Variants in DUSP11 observed in about 807,000 individuals in gnomAD.
DUSP11 encodes dual specificity phosphatase 11, also known as RNA/RNP complex-1-interacting phosphatase.
Under a neutral mutation model 41.4 loss-of-function variants are expected in DUSP11, and 27 were observed. The ratio of observed to expected loss-of-function variants is 0.65; its 90% CI spans 0.48 to 0.90. The LOEUF (loss-of-function observed/expected upper bound fraction) is 0.90, where lower values mean the gene tolerates loss of function less well. DUSP11 is among the 40% of genes least tolerant of loss of function. The pLI is 0.00. For synonymous variants in DUSP11, 188 were observed against 159.3 expected (o/e 1.18, Z -1.35); for missense variants, 465 against 461.1 (o/e 1.01, Z -0.08).
chr2:73,767,019 A>G, intron 6 of DUSP11, 116 bp from the exon 7 acceptor site: 3 of 1,206,518 alleles, frequency 2.5e-6, no homozygotes, highest in South Asian at 2.5e-5. Context: ...TTCCACATAC[A>G]TCTATAGACT....
At chr2:73,777,532 C>G (rs1030926060) in intron 2 of DUSP11, among the ~76,000 whole-genome samples, 2 of 152,166 alleles carry the variant, frequency 1.3e-5, no homozygotes, top group African/African-American at 4.8e-5. Flanking sequence ...CTATTCCTTT[C>G]CTAGTTTAAA....
At chr2:73,762,571 A>C in exon 9 of DUSP11, 1 of 967,410 alleles carries the variant, frequency 1.0e-6, no homozygotes, top group Non-Finnish European at 1.5e-6. Flanking sequence ...ACAATAAAGA[A>C]ACCTGATTAG....
chr2:73,779,952 C>T, exon 1 of DUSP11: 1 of 1,614,250 alleles, frequency 6.2e-7, no homozygotes, highest in African/African-American at 1.3e-5. Flanking sequence ...CCAGCCACTG[C>T]GGGGATGATG....
At chr2:73,776,494 TC>T (rs1259200315) in intron 2 of DUSP11, among the ~76,000 whole-genome samples, 1 of 151,380 alleles carries the variant, frequency 6.6e-6, no homozygotes, top group Admixed American at 6.6e-5. Flanking sequence ...GACAGATAGT[TC>T]CCACATGTAC....
At chr2:73,765,527 TAAA>T (rs890363941) in intron 8 of DUSP11, among the ~76,000 whole-genome samples, 1 of 152,036 alleles carries the variant, frequency 6.6e-6, no homozygotes, top group Non-Finnish European at 1.5e-5. Flanking sequence ...ATACCCCGAA[TAAA>T]AAAGCTCCTC....
chr2:73,776,082 G>C (rs891205953), intron 2 of DUSP11, among the ~76,000 whole-genome samples: 1 of 151,848 alleles, frequency 6.6e-6, no homozygotes, highest in Admixed American at 6.6e-5. Flanking sequence ...CCTTCAATCT[G>C]TCTGGCTACT....
rs77773021 is a variant in DUSP11 at position 73,768,389 on chromosome 2, G to A, written c.635+876C>T. ...GCAGCTAAAGTCTCTTTGCTAACACGCAGCACACTGCTTACACATAATAGA... is the reference window on the plus strand; with the variant it reads ...GCAGCTAAAGTCTCTTTGCTAACACACAGCACACTGCTTACACATAATAGA... On this transcript the variant is annotated intron_variant, in intron 5 of 8. Coordinates refer to ENST00000272444, the Ensembl canonical transcript of DUSP11. The A allele has an allele frequency of 8.7e-4, 813 of 935,622 alleles. 6 individuals carry two copies. The African/African-American group carries it at 0.014, about 16-fold the overall frequency. The allele number at this position is 935,622 out of a possible 1,614,324, so 58.0% of individuals were successfully genotyped here.
chr2:73,763,858 GTTGAA>G (rs941408001), intron 8 of DUSP11, among the ~76,000 whole-genome samples: 16 of 152,260 alleles, frequency 1.1e-4, no homozygotes, highest in Admixed American at 5.2e-4. Flanking sequence ...TTTTCTGACT[GTTGAA>G]TCACAGCCTA....
intron 8 of DUSP11, among the ~76,000 whole-genome samples, chr2:73,765,542 T>G (rs1252311343): frequency 6.6e-6 from 1 of 151,732 alleles, no homozygotes; most frequent in Non-Finnish European, 1.5e-5. Flanking sequence ...AAGCTCCTCC[T>G]CCCATCCACC....
intron 2 of DUSP11, among the ~76,000 whole-genome samples, chr2:73,776,391 G>T (rs1480240763): frequency 1.4e-5 from 2 of 144,972 alleles, no homozygotes; most frequent in African/African-American, 2.5e-5. Context: ...CTCCAGCCTG[G>T]GCGACAAGCG....
At chr2:73,773,716 G>A (rs527742969) in intron 4 of DUSP11, 84 bp downstream of exon 4, 2 of 1,352,434 alleles carry the variant, frequency 1.5e-6, no homozygotes, top group African/African-American at 1.5e-5. Flanking sequence ...CAACAGGTCT[G>A]AGGTTGGAAC....
chr2:73,766,966 A>G, intron 6 of DUSP11, 63 bp from the exon 7 acceptor site: 7 of 1,461,948 alleles, frequency 4.8e-6, no homozygotes, highest in Non-Finnish European at 6.7e-6. Flanking sequence ...AGAAAAAGCA[A>G]ATTAAGCTGA....
At chr2:73,769,989 A>C (rs1672540361) in intron 4 of DUSP11, among the ~76,000 whole-genome samples, 1 of 152,218 alleles carries the variant, frequency 6.6e-6, no homozygotes, top group Admixed American at 6.5e-5. Flanking sequence ...AATAAAAAAA[A>C]GTGTAGTTTA....
rs1344879738 is a variant in DUSP11, at chr2:73,780,075, C to G, written c.41G>C (p.Cys14Ser). The stretch of plus-strand genomic sequence containing the variant: ...AGACCCTAAACAGGAAAAGACTCGG[C>G]AGCCACCTACGCCGCGCTCCAGCGT... The change falls in exon 1 of 9, where the codon TGC (cysteine) becomes TCC (serine). Residue 14 changes from cysteine to serine, a missense_variant. Physicochemically the swap from Cys to Ser is moderately radical, Grantham distance 112. Transcript: ENST00000272444. The G allele has an allele frequency of 3.8e-6, 6 of 1,591,656 alleles. No individual in the cohort carries two copies. In the African/African-American group the frequency reaches 8.1e-5, roughly 21 times the overall value.
chr2:73,770,124 T>C (rs564914549), intron 4 of DUSP11, among the ~76,000 whole-genome samples: 1 of 146,720 alleles, frequency 6.8e-6, no homozygotes, highest in East Asian at 2.0e-4. Flanking sequence ...CGAAACCACG[T>C]CTCTACTAAA....
At chr2:73,762,679 A>G (rs769539660) in exon 9 of DUSP11, 1 of 1,612,484 alleles carries the variant, frequency 6.2e-7, no homozygotes, top group South Asian at 1.1e-5. Flanking sequence ...TCCATTCCCA[A>G]CAGGCTGGAT....
chr2:73,766,464 G>C, exon 8 of DUSP11: 1 of 1,613,928 alleles, frequency 6.2e-7, no homozygotes, highest in Non-Finnish European at 8.5e-7. Flanking sequence ...AAATGTCGAG[G>C]AGCTGAGTGA....
intron 2 of DUSP11, among the ~76,000 whole-genome samples, chr2:73,776,413 C>CAAAAA (rs70965758): frequency 1.1e-4 from 11 of 99,408 alleles, no homozygotes; most frequent in Non-Finnish European, 1.9e-4. Flanking sequence ...GACACCATCT[C>CAAAAA]AAAAAAAAAA....
At chr2:73,774,183 A>T (rs1012287146) in intron 3 of DUSP11, among the ~76,000 whole-genome samples, 3 of 152,230 alleles carry the variant, frequency 2.0e-5, no homozygotes, top group African/African-American at 7.2e-5. Context: ...GAATGAATGC[A>T]TATTTAACTA....
Sources: gnomAD v4.1 joint callset for allele counts (sites outside exome capture counted in the v4.1 genomes callset) on GRCh38, gnomAD v4.1.1 for gene constraint, MANE v1.5 for transcripts, NCBI Gene and HGNC (gene_info 2026-07-23, HGNC 2026-07-21) for gene names.